ZFPM2: variants seen among roughly 807,000 people sequenced by gnomAD.
ZFPM2 encodes zinc finger protein ZFPM2.
Under a neutral mutation model 98.6 loss-of-function variants are expected in ZFPM2, and 20 were observed. The ratio of observed to expected loss-of-function variants is 0.20; its 90% CI spans 0.14 to 0.29. The LOEUF is 0.29. Among genes scored for constraint, ZFPM2 ranks in the 10% least tolerant of loss-of-function variants. The pLI, the probability that ZFPM2 is intolerant of heterozygous loss-of-function variation, is 1.00. For synonymous variants in ZFPM2, 518 were observed against 502.7 expected (o/e 1.03, Z -0.41); for missense variants, 1,310 against 1,388.6 (o/e 0.94, Z 0.90).
At chr8:105,400,940 G>T (rs1400819708) in intron 1 of ZFPM2, among the ~76,000 whole-genome samples, 1 of 151,884 alleles carries the variant, frequency 6.6e-6, no homozygotes, top group Non-Finnish European at 1.5e-5. Context: ...CTCTTGGACA[G>T]TGCTGCTCTA....
At chr8:105,325,675 T>A (rs991583896) in intron 1 of ZFPM2, among the ~76,000 whole-genome samples, 1 of 151,786 alleles carries the variant, frequency 6.6e-6, no homozygotes, top group African/African-American at 2.4e-5. Context: ...AGTTTTTGTT[T>A]GCGAATAGAG....
intron 5 of ZFPM2, among the ~76,000 whole-genome samples, chr8:105,737,128 C>T (rs1812092227): frequency 6.6e-6 from 1 of 151,978 alleles, no homozygotes; most frequent in Admixed American, 6.6e-5. Flanking sequence ...ACTTGGAGAA[C>T]AAGGGAGTTT....
intron 3 of ZFPM2, among the ~76,000 whole-genome samples, chr8:105,529,270 C>A (rs1814242738): frequency 6.6e-6 from 1 of 152,060 alleles, no homozygotes; most frequent in Non-Finnish European, 1.5e-5. Flanking sequence ...ACCTTGATTA[C>A]CTTAAATGCC....
At chr8:105,699,431 T>G (rs1274895703) in intron 5 of ZFPM2, among the ~76,000 whole-genome samples, 7 of 152,158 alleles carry the variant, frequency 4.6e-5, no homozygotes, top group Non-Finnish European at 1.0e-4. Context: ...TAATTCATAT[T>G]TGTACAAACT....
intron 1 of ZFPM2, among the ~76,000 whole-genome samples, chr8:105,386,203 A>C (rs1810985906): frequency 6.6e-6 from 1 of 152,246 alleles, no homozygotes; most frequent in Non-Finnish European, 1.5e-5. Context: ...TGAAGAGCCC[A>C]ACCGAAAGTA....
At chr8:105,679,290 A>T (rs1299228472) in intron 5 of ZFPM2, among the ~76,000 whole-genome samples, 1 of 152,194 alleles carries the variant, frequency 6.6e-6, no homozygotes, top group Non-Finnish European at 1.5e-5. Context: ...GCAACAAATG[A>T]TTGTGAAGTA....
chr8:105,451,223 T>G (rs1812478175), intron 3 of ZFPM2, among the ~76,000 whole-genome samples: 1 of 152,106 alleles, frequency 6.6e-6, no homozygotes. Context: ...TGAGATAAAT[T>G]TTCCTTGGAC....
chr8:105,586,379 A>T (rs904292144), intron 4 of ZFPM2, among the ~76,000 whole-genome samples: 1 of 151,940 alleles, frequency 6.6e-6, no homozygotes, highest in East Asian at 1.9e-4. Flanking sequence ...TTTTTAGAGA[A>T]GTACACGCAA....
At chr8:105,699,766 C>G (rs1016301771) in intron 5 of ZFPM2, among the ~76,000 whole-genome samples, 2 of 151,758 alleles carry the variant, frequency 1.3e-5, no homozygotes, top group Non-Finnish European at 2.9e-5. Context: ...AATTTGATTA[C>G]ATTGAAAAAA....
rs544704567 is a variant in ZFPM2 at position 105,588,344 on chromosome 8, A to G, written c.420+26863A>G. Among the ~76,000 whole-genome samples the G allele has an allele frequency of 3.2e-4, 48 of 152,130 alleles. 1 individual carries two copies. The South Asian group carries it at 8.1e-3, about 26-fold the overall frequency. ...GGTTTATGGAAAAGAAAGAATTTCT[A>G]TGGGAAATGTAGAGCAAATGGAATG... On this transcript the variant is annotated intron_variant, in intron 4 of 7. Transcript: ENST00000407775.
At chr8:105,475,898 TG>T (rs1333351854) in intron 3 of ZFPM2, among the ~76,000 whole-genome samples, 6 of 152,172 alleles carry the variant, frequency 3.9e-5, no homozygotes, top group African/African-American at 1.4e-4. Context: ...ATTAAGAAAG[TG>T]GTGCTCAAAA....
chr8:105,480,184 A>T (rs1297427262), intron 3 of ZFPM2, among the ~76,000 whole-genome samples: 1 of 152,170 alleles, frequency 6.6e-6, no homozygotes, highest in Non-Finnish European at 1.5e-5. Flanking sequence ...TTCATGGTTC[A>T]CAGGGGAGTA....
At chr8:105,657,420 T>A (rs1406848954) in intron 5 of ZFPM2, among the ~76,000 whole-genome samples, 2 of 152,078 alleles carry the variant, frequency 1.3e-5, no homozygotes, top group African/African-American at 4.8e-5. Flanking sequence ...ATTACGGGAG[T>A]GAGCCATCGC....
intron 5 of ZFPM2, among the ~76,000 whole-genome samples, chr8:105,647,883 G>A (rs1364453158): frequency 2.0e-5 from 3 of 152,102 alleles, no homozygotes; most frequent in Admixed American, 2.0e-4. Context: ...AATCCTTTGG[G>A]TATATACCCA....
At chr8:105,413,025 C>A (rs930319635) in intron 1 of ZFPM2, among the ~76,000 whole-genome samples, 1 of 151,814 alleles carries the variant, frequency 6.6e-6, no homozygotes, top group Non-Finnish European at 1.5e-5. Flanking sequence ...AGGAGGGGAA[C>A]GTTTTCCTGG....
At chr8:105,773,798 C>T (rs1182351602) in intron 5 of ZFPM2, among the ~76,000 whole-genome samples, 1 of 151,920 alleles carries the variant, frequency 6.6e-6, no homozygotes, top group African/African-American at 2.4e-5. Context: ...ATCTTTAAAC[C>T]TTAAATTATG....
chr8:105,356,872 C>G, intron 1 of ZFPM2, among the ~76,000 whole-genome samples: 1 of 152,086 alleles, frequency 6.6e-6, no homozygotes, highest in East Asian at 1.9e-4. Flanking sequence ...ACTGCTTCAT[C>G]CTGCTTGTAA....
At chr8:105,363,074 A>G (rs181038513) in intron 1 of ZFPM2, among the ~76,000 whole-genome samples, 18 of 152,316 alleles carry the variant, frequency 1.2e-4, no homozygotes, top group Non-Finnish European at 1.8e-4. Flanking sequence ...ATGAACGTGT[A>G]TCCCCACTCA....
intron 5 of ZFPM2, among the ~76,000 whole-genome samples, chr8:105,649,006 A>G (rs989523739): frequency 1.3e-5 from 2 of 152,194 alleles, no homozygotes; most frequent in African/African-American, 4.8e-5. Flanking sequence ...CTTCCAATCC[A>G]TGAGCATGGA....
Sources: allele counts gnomAD v4.1 joint callset (sites outside exome capture counted in the v4.1 genomes callset), GRCh38; gene constraint gnomAD v4.1.1; transcripts MANE v1.5; gene names NCBI Gene and HGNC (gene_info 2026-07-23, HGNC 2026-07-21).